RASGRP1: variants seen among roughly 807,000 people sequenced by gnomAD.
RASGRP1 encodes the protein RAS guanyl-releasing protein 1.
In RASGRP1, 37 loss-of-function variants were observed where a neutral mutation model predicts 95.1. The observed-to-expected ratio is 0.39, with a 90% CI of 0.30 to 0.51. The LOEUF is 0.51. Ranked by LOEUF, RASGRP1 falls within the 20% of genes least tolerant of loss-of-function variation. The probability of loss-of-function intolerance (pLI) is 0.80; values close to 1 mark genes in which losing one functional copy is unlikely to be tolerated. For synonymous variants in RASGRP1, 325 were observed against 353.4 expected (o/e 0.92, Z 0.90); for missense variants, 711 against 965.4 (o/e 0.74, Z 3.49).
chr15:38,495,189 T>C (rs1325389442), intron 15 of RASGRP1, among the ~76,000 whole-genome samples: 3 of 152,194 alleles, frequency 2.0e-5, no homozygotes, highest in Non-Finnish European at 4.4e-5. Context: ...ACAGACACCC[T>C]CTAGCAGGTA....
At chr15:38,502,690 C>A (rs945474115) in intron 11 of RASGRP1, among the ~76,000 whole-genome samples, 5 of 152,230 alleles carry the variant, frequency 3.3e-5, no homozygotes, top group South Asian at 4.2e-4. Flanking sequence ...TAGTTCACTG[C>A]GCAGAGGGAT....
intron 2 of RASGRP1, among the ~76,000 whole-genome samples, chr15:38,550,970 G>C (rs1209817102): frequency 6.6e-6 from 1 of 152,056 alleles, no homozygotes; most frequent in Non-Finnish European, 1.5e-5. Context: ...GCAAATACAA[G>C]AACTTATAAA....
At chr15:38,555,601 G>A (rs1215894841) in intron 2 of RASGRP1, among the ~76,000 whole-genome samples, 1 of 152,152 alleles carries the variant, frequency 6.6e-6, no homozygotes, top group Non-Finnish European at 1.5e-5. Flanking sequence ...TGAGACTGGG[G>A]GCACAAGGCA....
chr15:38,501,816 T>C lies in RASGRP1; in HGVS notation c.1538+496A>G, dbSNP rs562131840. Among the ~76,000 whole-genome samples the C allele has an allele frequency of 1.0e-3, 152 of 152,210 alleles. 1 individual carries two copies. The highest frequency in any genetic ancestry group is 3.4e-3 in the Middle Eastern group (1 of 292). ...CTTTTTCTTATTTATAGTTGACTAT[T>C]TATAAAGTGGCAGATTTATGGAATG... On this transcript the variant is annotated intron_variant, in intron 12 of 16. Coordinates refer to ENST00000310803, the MANE Select transcript of RASGRP1 (RefSeq NM_005739.4).
At chr15:38,511,780 T>C (rs762252927) in intron 7 of RASGRP1, 60 bp from the exon 8 acceptor site, 4 of 1,313,568 alleles carry the variant, frequency 3.0e-6, no homozygotes, top group Non-Finnish European at 4.4e-6. Flanking sequence ...TATGGGGAGC[T>C]TAGAGGCTGC....
At position 38,490,584 on chromosome 15, in the gene RASGRP1, T is replaced by TAA. The variant is rs768832479; in HGVS notation, c.2362_2363dup (p.Leu788PhefsTer2). ...AACAGTCACCCTGCTCCATTTGAGC[T>TAA]AAGACATGATTGCTTTTTTCAAGCT... On this transcript the variant is annotated frameshift_variant, in exon 17 of 17. Transcript: ENST00000310803. LOFTEE classifies it high-confidence loss of function. The TAA allele has an allele frequency of 5.0e-6, 8 of 1,613,524 alleles. No homozygotes were observed. The highest frequency in any genetic ancestry group is 6.8e-6 in the Non-Finnish European group (8 of 1,179,570).
At chr15:38,528,818 G>A (rs1892331166) in intron 2 of RASGRP1, among the ~76,000 whole-genome samples, 1 of 152,074 alleles carries the variant, frequency 6.6e-6, no homozygotes, top group Admixed American at 6.6e-5. Context: ...GGTATCTTCA[G>A]CCTTCGCTAC....
At chr15:38,513,023 T>C (rs1891603425) in intron 6 of RASGRP1, 67 bp from the exon 7 acceptor site, 3 of 1,386,036 alleles carry the variant, frequency 2.2e-6, no homozygotes, top group South Asian at 3.2e-5. Flanking sequence ...TTCCAGAAGA[T>C]TTAAGGGACA....
intron 10 of RASGRP1, chr15:38,505,087 C>T (rs1313119647): frequency 6.6e-6 from 1 of 152,176 alleles, no homozygotes; most frequent in Non-Finnish European, 1.5e-5. Flanking sequence ...CTTGATCTTT[C>T]TGTGTGGAGG....
chr15:38,501,760 CTG>C (rs1891034109), intron 12 of RASGRP1, among the ~76,000 whole-genome samples: 1 of 151,960 alleles, frequency 6.6e-6, no homozygotes, highest in Middle Eastern at 3.4e-3. Flanking sequence ...TTCCCAAAAT[CTG>C]TAATGACAAA....
intron 15 of RASGRP1, among the ~76,000 whole-genome samples, chr15:38,495,856 A>AT (rs1319115273): frequency 2.0e-5 from 3 of 152,102 alleles, no homozygotes; most frequent in Non-Finnish European, 4.4e-5. Context: ...ACAGTTATAC[A>AT]TTCTTTTTAC....
chr15:38,543,368 C>T (rs1012637692), intron 2 of RASGRP1, among the ~76,000 whole-genome samples: 4 of 152,108 alleles, frequency 2.6e-5, no homozygotes, highest in African/African-American at 4.8e-5. Context: ...TCTTCCAGAA[C>T]GTGCTATTCT....
intron 11 of RASGRP1, 27 bp from the exon 12 acceptor site, chr15:38,502,448 T>G (rs1297030639): frequency 3.5e-6 from 5 of 1,419,596 alleles, no homozygotes; most frequent in Non-Finnish European, 4.9e-6. Flanking sequence ...TTTTTGGTGA[T>G]TACTAAAGAG....
chr15:38,509,779 T>G (rs1891425110), intron 8 of RASGRP1, among the ~76,000 whole-genome samples: 1 of 152,106 alleles, frequency 6.6e-6, no homozygotes, highest in Non-Finnish European at 1.5e-5. Context: ...TCCATTAAAT[T>G]TTTTTTGGAC....
At chr15:38,515,891 G>C (rs1891752823) in intron 6 of RASGRP1, among the ~76,000 whole-genome samples, 1 of 132,898 alleles carries the variant, frequency 7.5e-6, no homozygotes, top group Non-Finnish European at 1.6e-5. Flanking sequence ...GAGAGACAGA[G>C]AGAGAGAGAG....
chr15:38,497,538 C>T (rs1156350021), intron 15 of RASGRP1, among the ~76,000 whole-genome samples: 1 of 152,114 alleles, frequency 6.6e-6, no homozygotes, highest in Non-Finnish European at 1.5e-5. Flanking sequence ...GAAATTCCAC[C>T]TTCTCCATAA....
In RASGRP1 at chr15:38,512,846, A is replaced by T; in HGVS notation, c.786T>A (p.Val262=). ...GGAGCTGCGGCGTGGGGCGGCTGAG[A>T]ACCATCAGTTGTACCCACTGGGAGA... The part of the protein sequence containing the change: ...NGISQWVQLM[V]LSRPTPQLRA... Residue 262 remains valine (V), a synonymous_variant, in exon 7 of 17, where the codon GTT becomes GTA. Coordinates refer to ENST00000310803, the MANE Select transcript of RASGRP1 (RefSeq NM_005739.4). 6.2e-7 allele frequency: 1 copy of T among 1,613,670 alleles called. No homozygotes were observed.
chr15:38,506,579 G>A (rs1391553006), intron 9 of RASGRP1, among the ~76,000 whole-genome samples: 2 of 143,928 alleles, frequency 1.4e-5, no homozygotes, highest in East Asian at 2.1e-4. Flanking sequence ...AGGTTGCAGT[G>A]AGCTGAGATT....
chr15:38,542,446 G>T (rs769370485), intron 2 of RASGRP1, among the ~76,000 whole-genome samples: 1 of 151,888 alleles, frequency 6.6e-6, no homozygotes, highest in Non-Finnish European at 1.5e-5. Context: ...CAGAGAATTT[G>T]CATTCTTAAA....
Sources: gnomAD v4.1 joint callset for allele counts (sites outside exome capture counted in the v4.1 genomes callset) on GRCh38, gnomAD v4.1.1 for gene constraint, MANE v1.5 for transcripts, NCBI Gene and HGNC (gene_info 2026-07-23, HGNC 2026-07-21) for gene names.